DAPK2: variants seen among roughly 807,000 people sequenced by gnomAD.
DAPK2 encodes death associated protein kinase 2.
Under a neutral mutation model 44.1 loss-of-function variants are expected in DAPK2, and 35 were observed. That is an observed-to-expected ratio of 0.79 (90% CI 0.61 to 1.05). DAPK2 has a LOEUF of 1.05. Ranked by LOEUF, DAPK2 falls within the 50% of genes least tolerant of loss-of-function variation. The pLI is 0.00. For missense variants in DAPK2, 453 were observed against 483.2 expected (o/e 0.94, Z 0.59); for synonymous variants, 174 against 182.6 (o/e 0.95, Z 0.38).
intron 1 of DAPK2, among the ~76,000 whole-genome samples, chr15:63,993,103 T>C (rs1254948703): frequency 6.6e-6 from 1 of 152,096 alleles, no homozygotes; most frequent in Non-Finnish European, 1.5e-5. Context: ...CCCTCCCCTC[T>C]CCTGCATCCA....
intron 1 of DAPK2, among the ~76,000 whole-genome samples, chr15:64,006,377 G>A (rs190681278): frequency 1.3e-3 from 202 of 152,224 alleles, no homozygotes; most frequent in African/African-American, 4.6e-3. Flanking sequence ...ACCAGCCAGG[G>A]AGCAAAAATG....
At chr15:63,962,047 A>C (rs1450211653) in intron 3 of DAPK2, among the ~76,000 whole-genome samples, 1 of 151,212 alleles carries the variant, frequency 6.6e-6, no homozygotes, top group Non-Finnish European at 1.5e-5. Context: ...GTTTCTTTTT[A>C]CTCTTTTTCC....
intron 1 of DAPK2, among the ~76,000 whole-genome samples, chr15:64,009,241 T>C (rs1385825498): frequency 6.6e-6 from 1 of 152,094 alleles, no homozygotes; most frequent in Non-Finnish European, 1.5e-5. Context: ...TGGGCTAGTA[T>C]CTCTTCATTA....
chr15:64,023,648 T>C (rs985220003), intron 1 of DAPK2, among the ~76,000 whole-genome samples: 1 of 152,164 alleles, frequency 6.6e-6, no homozygotes, highest in Admixed American at 6.5e-5. Context: ...ATATAAAAAA[T>C]ACTGATGCCA....
chr15:63,940,837 C>CA (rs1459805690), intron 3 of DAPK2, among the ~76,000 whole-genome samples: 6 of 151,940 alleles, frequency 3.9e-5, no homozygotes, highest in Non-Finnish European at 7.4e-5. Flanking sequence ...TCATAAAAGA[C>CA]AAAAAATATT....
chr15:64,038,234 GC>G (rs1293979931), intron 1 of DAPK2, among the ~76,000 whole-genome samples: 2 of 152,130 alleles, frequency 1.3e-5, no homozygotes, highest in African/African-American at 2.4e-5. Flanking sequence ...CCAGGGTGGA[GC>G]TCCAGGAGGG....
intron 1 of DAPK2, among the ~76,000 whole-genome samples, chr15:63,997,457 A>C (rs547838097): frequency 6.6e-6 from 1 of 152,228 alleles, no homozygotes; most frequent in East Asian, 1.9e-4. Context: ...CAGCCTCCCA[A>C]GTAGCTGGGA....
chr15:64,000,245 T>A (rs59598042), intron 1 of DAPK2, among the ~76,000 whole-genome samples: 6,516 of 151,534 alleles, frequency 0.043, 475 homozygotes, highest in African/African-American at 0.15. Context: ...CCACAGGACT[T>A]TGTGTAAAAA....
chr15:64,046,449 G>T (rs1408728845), upstream of DAPK2: 2 of 217,144 alleles, frequency 9.2e-6, no homozygotes, highest in Non-Finnish European at 1.6e-5. The surrounding 1 kb of genome is among the most constrained non-coding windows in gnomAD (Gnocchi z 5.3). Flanking sequence ...CTCCCAGAGC[G>T]CCCGGCACCC....
chr15:63,985,945 A>G (rs914417587), intron 1 of DAPK2, among the ~76,000 whole-genome samples: 2 of 152,224 alleles, frequency 1.3e-5, no homozygotes, highest in African/African-American at 4.8e-5. Context: ...TGACCGGGGC[A>G]GGCCCACTGC....
intron 4 of DAPK2, among the ~76,000 whole-genome samples, chr15:63,934,593 T>C (rs1228986934): frequency 6.6e-6 from 1 of 151,308 alleles, no homozygotes; most frequent in Non-Finnish European, 1.5e-5. Flanking sequence ...AGACTCTCAC[T>C]GTTGCCCAGG....
rs567092286 is a variant in DAPK2 at position 63,990,570 on chromosome 15, C to T, written c.93-6816G>A. Reference sequence around the variant, plus strand: ...GGAAATGAGGTAGAGCTGCATAGAACGCAGGGCCCCAGCCAAGGGACAAGA... The same window carrying T: ...GGAAATGAGGTAGAGCTGCATAGAATGCAGGGCCCCAGCCAAGGGACAAGA... On this transcript the variant is annotated intron_variant, in intron 1 of 10. Coordinates refer to ENST00000261891, the Ensembl canonical transcript of DAPK2. This position sits in a 1 kb window ranked among gnomAD's most constrained non-coding sequence, Gnocchi z 4.3. Among the ~76,000 whole-genome samples, 16 of 152,220 alleles carry T rather than the reference C, an allele frequency of 1.1e-4. No homozygotes were observed. Among genetic ancestry groups the T allele is most frequent in the South Asian group, 8.3e-4 (4 of 4,820 alleles).
intron 4 of DAPK2, among the ~76,000 whole-genome samples, chr15:63,938,975 C>T (rs1229807088): frequency 6.6e-6 from 1 of 152,180 alleles, no homozygotes; most frequent in Non-Finnish European, 1.5e-5. Context: ...AAGGGTTTAA[C>T]CTTACAGGCT....
At chr15:64,038,880 GTCACC>G (rs1240712362) in intron 1 of DAPK2, among the ~76,000 whole-genome samples, 5 of 152,120 alleles carry the variant, frequency 3.3e-5, no homozygotes, top group Non-Finnish European at 7.4e-5. Context: ...TCTATTCAAA[GTCACC>G]CCTCTGCTCA....
chr15:64,034,087 T>C (rs978149336), intron 1 of DAPK2, among the ~76,000 whole-genome samples: 10 of 152,184 alleles, frequency 6.6e-5, no homozygotes, highest in African/African-American at 2.2e-4. Context: ...AAAAGGATCA[T>C]AAAAGCCCCC....
At chr15:63,948,346 G>T (rs1031070004) in intron 3 of DAPK2, among the ~76,000 whole-genome samples, 19 of 142,448 alleles carry the variant, frequency 1.3e-4, no homozygotes, top group African/African-American at 4.9e-4. Context: ...AAGCATAGCA[G>T]CTTTTGCTTC....
intron 3 of DAPK2, among the ~76,000 whole-genome samples, chr15:63,957,425 T>C (rs2077757337): frequency 6.6e-6 from 1 of 152,088 alleles, no homozygotes; most frequent in South Asian, 2.1e-4. Context: ...GTTACATATG[T>C]ATACATGTGC....
intron 1 of DAPK2, among the ~76,000 whole-genome samples, chr15:63,988,210 C>T (rs796551490): frequency 6.6e-5 from 10 of 152,324 alleles, no homozygotes; most frequent in African/African-American, 2.4e-4. Context: ...AGATCAGTGT[C>T]ACTGGCAGAT....
rs1045239550 is a variant in DAPK2, at chr15:64,035,352, C to T, written c.92+4818G>A. Among the ~76,000 whole-genome samples, 40 of 152,216 alleles carry T rather than the reference C, an allele frequency of 2.6e-4. 1 individual carries two copies. Among genetic ancestry groups the T allele is most frequent in the African/African-American group, 8.4e-4 (35 of 41,448 alleles). On this transcript the variant is annotated intron_variant, in intron 1 of 10. Transcript: ENST00000261891. ...CTAGCACCCTCCTCCTGGGAAACAT[C>T]ACTCCTTCCCAAAGGCTCATCCTTC...
Sources: allele counts gnomAD v4.1 joint callset (sites outside exome capture counted in the v4.1 genomes callset), GRCh38; gene constraint gnomAD v4.1.1; non-coding constraint Gnocchi (gnomAD v3.1); transcripts MANE v1.5; gene names NCBI Gene and HGNC (gene_info 2026-07-23, HGNC 2026-07-21).